Variants in FBN2 observed in about 807,000 individuals in gnomAD.
FBN2 encodes fibrillin-2.
FBN2 carries 105 observed loss-of-function variants against 355.6 expected under a neutral mutation model. The observed-to-expected ratio is 0.30, with a 90% CI of 0.25 to 0.35. FBN2 has a LOEUF of 0.35. Among genes scored for constraint, FBN2 ranks in the 10% least tolerant of loss-of-function variants. The pLI is 1.00. For missense variants in FBN2, 3,280 were observed against 3,758.7 expected (o/e 0.87, Z 3.33); for synonymous variants, 1,350 against 1,301.2 (o/e 1.04, Z -0.81).
Position 128,538,038 on chromosome 5 carries a change from G to A in FBN2, c.-435C>T, listed in dbSNP as rs78230270. On this transcript the variant is annotated 5_prime_UTR_variant, in exon 1 of 65. Transcript: ENST00000262464. ...CCGTGCGCTCCGAAGACGGATATTG[G>A]AAAGCTGCAAAAGTCACCAGAAAGA... 3,628 of 191,162 alleles carry A rather than the reference G, an allele frequency of 0.019. 144 individuals carry two copies. The highest frequency in any genetic ancestry group is 0.081 in the African/African-American group (3,453 of 42,602). 11.8% of individuals were successfully genotyped at this position (191,162 alleles called of 1,614,324 possible). A position where few individuals can be genotyped will look rare whatever the true frequency, so the allele number is the denominator to read the frequency against.
intron 6 of FBN2, among the ~76,000 whole-genome samples, chr5:128,451,086 G>C (rs1160273610): frequency 1.3e-5 from 2 of 152,048 alleles, no homozygotes; most frequent in African/African-American, 2.4e-5. Flanking sequence ...AATATTTCAT[G>C]AACACATCTC....
intron 8 of FBN2, among the ~76,000 whole-genome samples, chr5:128,405,982 A>G (rs1752917411): frequency 6.6e-6 from 1 of 152,186 alleles, no homozygotes; most frequent in African/African-American, 2.4e-5. Context: ...TCTCCTAAAG[A>G]GTTGAATCTA....
chr5:128,352,693 C>T (rs1343264150), intron 20 of FBN2, among the ~76,000 whole-genome samples: 1 of 152,072 alleles, frequency 6.6e-6, no homozygotes, highest in African/African-American at 2.4e-5. Flanking sequence ...CATAAGTTTC[C>T]CGGTATGCAG....
intron 60 of FBN2, 71 bp downstream of exon 60, chr5:128,274,496 A>G: frequency 1.2e-6 from 1 of 849,642 alleles, no homozygotes; most frequent in South Asian, 1.3e-5. Context: ...TCTTCTGTTT[A>G]TAATTTTAAA....
At chr5:128,311,533 T>A (rs1365602519) in intron 38 of FBN2, 108 bp from the exon 39 acceptor site, 4 of 1,212,534 alleles carry the variant, frequency 3.3e-6, no homozygotes, top group Non-Finnish European at 4.8e-6. Context: ...TTTCTATGCA[T>A]CCAAATGAAC....
In FBN2 at chr5:128,363,539, T is replaced by C. The variant is rs145929159; in HGVS notation, c.2428+1061A>G. On this transcript the variant is annotated intron_variant, in intron 18 of 64. Coordinates refer to ENST00000262464, the MANE Select transcript of FBN2 (RefSeq NM_001999.4). ...TTTCTAAGCTATGGATTGAATTGTG[T>C]CCCTTAAAAAAGATATGTTGAAATC... is the stretch of plus-strand genomic sequence containing the variant. 5.3e-5 allele frequency among the ~76,000 whole-genome samples: 8 copies of C among 152,246 alleles called. No homozygotes were observed. In the East Asian group the frequency reaches 9.7e-4, roughly 18 times the overall value.
At position 128,376,656 on chromosome 5, in the gene FBN2, ATTC is replaced by A; in HGVS notation, c.1972+72_1972+74del. ...AAAGCCACATGGGGAAGCTGAAGTAATTCTTCCATGGTTCATTCAAATAAAAAA... is the reference window on the plus strand; with the variant it reads ...AAAGCCACATGGGGAAGCTGAAGTAATTCCATGGTTCATTCAAATAAAAAA... On this transcript the variant is annotated intron_variant, in intron 14 of 64. Coordinates refer to ENST00000262464, the MANE Select transcript of FBN2 (RefSeq NM_001999.4). 4 of 1,549,690 alleles carry A rather than the reference ATTC, an allele frequency of 2.6e-6. No homozygotes were observed. In the South Asian group the frequency reaches 4.5e-5, roughly 17 times the overall value.
chr5:128,282,490 T>C (rs1193046878), intron 55 of FBN2, among the ~76,000 whole-genome samples: 1 of 152,132 alleles, frequency 6.6e-6, no homozygotes, highest in Non-Finnish European at 1.5e-5. Flanking sequence ...AAAGCGTTCT[T>C]GGAAGAACTC....
chr5:128,416,536 G>T (rs1753204207), intron 7 of FBN2, among the ~76,000 whole-genome samples: 1 of 152,100 alleles, frequency 6.6e-6, no homozygotes, highest in African/African-American at 2.4e-5. Context: ...TAGTTTTATG[G>T]TTTCGGGTCT....
At chr5:128,481,472 G>A (rs1755186510) in intron 5 of FBN2, among the ~76,000 whole-genome samples, 1 of 152,174 alleles carries the variant, frequency 6.6e-6, no homozygotes, top group African/African-American at 2.4e-5. Flanking sequence ...ATGGCACAGA[G>A]TACAAGTTTG....
chr5:128,518,242 TA>T (rs1340967264), intron 5 of FBN2, among the ~76,000 whole-genome samples: 1 of 151,936 alleles, frequency 6.6e-6, no homozygotes, highest in Non-Finnish European at 1.5e-5. Flanking sequence ...CCTTGAAACA[TA>T]AATATTCCCA....
At chr5:128,477,120 C>T (rs946919788) in intron 5 of FBN2, among the ~76,000 whole-genome samples, 2 of 152,186 alleles carry the variant, frequency 1.3e-5, no homozygotes, top group African/African-American at 4.8e-5. Flanking sequence ...CCACTAGCCA[C>T]ATGTGGTTTT....
chr5:128,281,956 C>G (rs1269878703), intron 55 of FBN2, among the ~76,000 whole-genome samples: 1 of 152,112 alleles, frequency 6.6e-6, no homozygotes, highest in African/African-American at 2.4e-5. Flanking sequence ...TCCCAAAGTG[C>G]TGGGATTACA....
intron 7 of FBN2, among the ~76,000 whole-genome samples, chr5:128,418,915 G>A (rs960107614): frequency 6.6e-6 from 1 of 152,072 alleles, no homozygotes; most frequent in East Asian, 1.9e-4. Flanking sequence ...GGATTGTGTT[G>A]CATTTACAGA....
chr5:128,291,559 C>T lies in FBN2; in HGVS notation c.6262G>A (p.Val2088Ile). Residue 2088 changes from valine (V) to isoleucine (I), a missense_variant, in exon 49 of 65, where the codon GTA becomes ATA. Around this residue, in one of 6 missense-constraint regions of FBN2, gnomAD observed 2,284 missense variants for 2,749.5 expected, o/e 0.83. Coordinates refer to ENST00000262464, the MANE Select transcript of FBN2 (RefSeq NM_001999.4). ...CATCTCCGTCCATTATCAGATAGTA[C>T]AAAGCCAGGGGGGCAGAGGCACTGG... ...GFQCLCPPGF[V>I]LSDNGRRCFD... is the part of the protein sequence containing the mutation. The T allele has an allele frequency of 6.2e-7, 1 of 1,613,942 alleles. No individual in the cohort carries two copies. The highest frequency in any genetic ancestry group is 8.5e-7 in the Non-Finnish European group (1 of 1,179,898).
intron 62 of FBN2, among the ~76,000 whole-genome samples, chr5:128,264,229 C>T (rs1017839403): frequency 7.9e-5 from 12 of 152,164 alleles, no homozygotes; most frequent in African/African-American, 2.9e-4. Flanking sequence ...TCCATTCCCC[C>T]AGCAATTCCC....
intron 21 of FBN2, 128 bp downstream of exon 21, chr5:128,350,740 G>A: frequency 1.2e-5 from 13 of 1,072,278 alleles, no homozygotes; most frequent in Non-Finnish European, 1.8e-5. Flanking sequence ...AGCCAGGAAA[G>A]ATAACATTTT....
At chr5:128,329,330 A>C (rs1297245314) in intron 33 of FBN2, among the ~76,000 whole-genome samples, 2 of 152,176 alleles carry the variant, frequency 1.3e-5, no homozygotes, top group African/African-American at 4.8e-5. Flanking sequence ...CTCCTATCTT[A>C]ATTACACAAA....
At chr5:128,413,217 T>C (rs1435678663) in intron 7 of FBN2, among the ~76,000 whole-genome samples, 1 of 152,188 alleles carries the variant, frequency 6.6e-6, no homozygotes, top group African/African-American at 2.4e-5. Context: ...AGGATTGCCT[T>C]TGAAGTTATG....
Sources: allele counts gnomAD v4.1 joint callset (sites outside exome capture counted in the v4.1 genomes callset), GRCh38; gene constraint gnomAD v4.1.1; regional missense constraint gnomAD v4.1.1; transcripts MANE v1.5; gene names NCBI Gene and HGNC (gene_info 2026-07-23, HGNC 2026-07-21).